Variants in MACF1 observed in about 807,000 individuals in gnomAD.
MACF1 encodes microtubule-actin cross-linking factor 1.
MACF1 carries 193 observed loss-of-function variants against 854.8 expected under a neutral mutation model. The observed-to-expected ratio is 0.23, with a 90% CI of 0.20 to 0.25. MACF1 has a LOEUF of 0.25. MACF1 is among the 10% of genes least tolerant of loss of function. The pLI, the probability that MACF1 is intolerant of heterozygous loss-of-function variation, is 1.00. For missense variants in MACF1, 7,722 were observed against 8,929.1 expected (o/e 0.86, Z 5.45); for synonymous variants, 3,185 against 3,226.7 (o/e 0.99, Z 0.44).
chr1:39,444,957 G>A lies in MACF1; in HGVS notation c.19605+122G>A, dbSNP rs1644194490. 21 of 810,236 alleles carry A rather than the reference G, an allele frequency of 2.6e-5. 1 individual carries two copies. The allele number at this position is 810,236 out of a possible 1,614,324, so 50.2% of individuals were successfully genotyped here. On this transcript the variant is annotated intron_variant, in intron 80 of 100. Transcript: ENST00000564288. ...GTATTGTAACAGAAGTTGCAGAACT[G>A]ATTCCATCTGTGTTGAGTTGCATTG...
In MACF1 at chr1:39,154,570, A is replaced by G. The variant is rs909892117; in HGVS notation, c.220+70132A>G. Reference sequence around the variant, plus strand: ...TTGATTTCTAGGGGGCTTTGGGGGAACTATGGGAACTCTAAGATATGATTC... The same window carrying G: ...TTGATTTCTAGGGGGCTTTGGGGGAGCTATGGGAACTCTAAGATATGATTC... On this transcript the variant is annotated intron_variant, in intron 2 of 93. Coordinates refer to the MACF1 transcript ENST00000361689. Among the ~76,000 whole-genome samples the G allele has an allele frequency of 1.1e-4, 17 of 152,122 alleles. 1 individual carries two copies. The South Asian group carries it at 1.7e-3, about 15-fold the overall frequency.
chr1:39,183,721 C>T (rs1644132739), intron 2 of MACF1, among the ~76,000 whole-genome samples: 1 of 150,134 alleles, frequency 6.7e-6, no homozygotes, highest in East Asian at 2.0e-4. Context: ...AGGCAGTTTC[C>T]CAGCCCCATA....
rs748220704 is a variant in MACF1 at position 39,427,581 on chromosome 1, T to C, written c.16443T>C (p.Thr5481=). 2 of 1,614,124 alleles carry C rather than the reference T, an allele frequency of 1.2e-6. No individual in the cohort carries two copies. The highest frequency in any genetic ancestry group is 1.7e-6 in the Non-Finnish European group (2 of 1,179,996). ...LANSEPVGTQ[T]AKIQQQIIRH... Reference sequence around the variant, plus strand: ...ACTCAGAACCTGTTGGCACTCAGACTGCCAAAATACAGCAGCAGATCATTC... The same window carrying C: ...ACTCAGAACCTGTTGGCACTCAGACCGCCAAAATACAGCAGCAGATCATTC... Residue 5481 remains threonine (T), a synonymous_variant, in exon 62 of 101, where the codon ACT becomes ACC. Coordinates refer to ENST00000564288, the MANE Select transcript of MACF1 (RefSeq NM_001394062.1).
At chr1:39,126,060 C>G (rs999703277) in intron 2 of MACF1, among the ~76,000 whole-genome samples, 2 of 152,050 alleles carry the variant, frequency 1.3e-5, no homozygotes, top group African/African-American at 4.8e-5. Flanking sequence ...TTTTTTTTGA[C>G]CAGCTGGGCA....
intron 2 of MACF1, among the ~76,000 whole-genome samples, chr1:39,194,005 G>C (rs1037869928): frequency 1.3e-5 from 2 of 152,010 alleles, no homozygotes; most frequent in African/African-American, 4.8e-5. Context: ...GGGTAATTTT[G>C]TATTTTTAAT....
intron 26 of MACF1, among the ~76,000 whole-genome samples, chr1:39,314,569 T>TCACACACACACA (rs58459573): frequency 1.5e-5 from 1 of 65,306 alleles, no homozygotes; most frequent in Non-Finnish European, 3.5e-5. Flanking sequence ...TCTCTCTCTC[T>TCACACACACACA]CACACACACA....
intron 6 of MACF1, among the ~76,000 whole-genome samples, chr1:39,273,342 A>G (rs1024784675): frequency 4.6e-5 from 7 of 151,520 alleles, no homozygotes; most frequent in African/African-American, 1.7e-4. Flanking sequence ...TCGAGTCTCT[A>G]CAATTTTAGG....
intron 96 of MACF1, 30 bp from the exon 97 acceptor site, chr1:39,469,511 GTCTGTT>G (rs1644735720): frequency 6.7e-7 from 1 of 1,491,962 alleles, no homozygotes; most frequent in Non-Finnish European, 9.1e-7. Context: ...TTCCTGCCCT[GTCTGTT>G]TCTTTCTGTT....
In MACF1 at chr1:39,442,076, TGAA is replaced by T. The variant is rs555622519; in HGVS notation, c.18774+30_18774+32del. 2,815 of 1,599,600 alleles carry T rather than the reference TGAA, an allele frequency of 1.8e-3. 4 individuals carry two copies. The highest frequency in any genetic ancestry group is 4.0e-3 in the Middle Eastern group (24 of 6,008). ...AAGGTTTGTATCTGGGTATGGCTTT[TGAA>T]GAAGAATTGTTTTATTATAGTTTTT... On this transcript the variant is annotated intron_variant, in intron 75 of 100. Coordinates refer to ENST00000564288, the MANE Select transcript of MACF1 (RefSeq NM_001394062.1).
chr1:39,284,800 T>C (rs1381271723), intron 11 of MACF1, among the ~76,000 whole-genome samples: 1 of 152,176 alleles, frequency 6.6e-6, no homozygotes, highest in Admixed American at 6.5e-5. Flanking sequence ...AATTTAACCT[T>C]GCCAGAATAA....
At chr1:39,471,130 T>A (rs1299001206) in intron 97 of MACF1, among the ~76,000 whole-genome samples, 2 of 108,858 alleles carry the variant, frequency 1.8e-5, no homozygotes, top group African/African-American at 5.2e-5. Flanking sequence ...CCATTGACTG[T>A]GGAGAGAACT....
intron 15 of MACF1, among the ~76,000 whole-genome samples, chr1:39,289,449 A>G (rs990470633): frequency 1.3e-5 from 2 of 152,106 alleles, no homozygotes; most frequent in Non-Finnish European, 2.9e-5. Context: ...GGGTGAGATG[A>G]TATCACATTG....
intron 2 of MACF1, among the ~76,000 whole-genome samples, chr1:39,190,588 C>G (rs1644243826): frequency 6.6e-6 from 1 of 151,768 alleles, no homozygotes; most frequent in Non-Finnish European, 1.5e-5. Context: ...AATCTGCCCT[C>G]TCGGCCTCCC....
chr1:39,213,277 A>G (rs1216915445), intron 1 of MACF1, among the ~76,000 whole-genome samples: 1 of 152,000 alleles, frequency 6.6e-6, no homozygotes, highest in East Asian at 1.9e-4. Context: ...TACCTTCTAA[A>G]TGTGATAGAG....
rs1350343896 is a variant in MACF1, at chr1:39,161,894, T to TA, written c.221-69288_221-69287insA. Among the ~76,000 whole-genome samples, 4 of 43,596 alleles carry TA rather than the reference T, an allele frequency of 9.2e-5. No individual in the cohort carries two copies. In the Admixed American group the frequency reaches 1.1e-3, roughly 12 times the overall value. The allele number at this position is 43,596 out of a possible 152,430, so 28.6% of individuals were successfully genotyped here. A position where few individuals can be genotyped will look rare whatever the true frequency, so the allele number is the denominator to read the frequency against. On this transcript the variant is annotated intron_variant, in intron 2 of 93. Coordinates refer to the MACF1 transcript ENST00000361689. ...ATTAATTAATTAATAATAAAATAAA[T>TA]TAAAAAAAAAAAACTAGCCGGGCAT...
chr1:39,451,025 A>G, intron 84 of MACF1, 27 bp from the exon 85 acceptor site: 1 of 1,606,120 alleles, frequency 6.2e-7, no homozygotes, highest in Non-Finnish European at 8.5e-7. Flanking sequence ...ATCCCTAAAA[A>G]TGGTAGCGTT....
chr1:39,415,553 G>A (rs1481608928), intron 58 of MACF1, among the ~76,000 whole-genome samples: 3 of 148,566 alleles, frequency 2.0e-5, no homozygotes, highest in Non-Finnish European at 3.0e-5. Flanking sequence ...TAGTAGAGAC[G>A]GGTTTCACTG....
chr1:39,285,789 T>G lies in MACF1; in HGVS notation c.1508+31T>G, dbSNP rs1571267756. ...GAACAAGGGACTCAAATGGAGGGCT[T>G]GCTTGCTTACTGCTGAGGCTCATGG... On this transcript the variant is annotated intron_variant, in intron 14 of 100. Coordinates refer to ENST00000564288, the MANE Select transcript of MACF1 (RefSeq NM_001394062.1). 2.5e-6 allele frequency: 4 copies of G among 1,609,552 alleles called. 1 individual carries two copies. In the Admixed American group the frequency reaches 6.7e-5, roughly 27 times the overall value.
chr1:39,284,315 C>A lies in MACF1; in HGVS notation c.1036-18C>A. On this transcript the variant is annotated intron_variant, in intron 10 of 100. Coordinates refer to ENST00000564288, the MANE Select transcript of MACF1 (RefSeq NM_001394062.1). ...CTATAGTTTGTGTCCATTTATTCAC[C>A]AAATATTAATTTTATAGGCACTTTA... The A allele has an allele frequency of 6.4e-7, 1 of 1,565,514 alleles. No homozygotes were observed.
Sources: gnomAD v4.1 joint callset for allele counts (sites outside exome capture counted in the v4.1 genomes callset) on GRCh38, gnomAD v4.1.1 for gene constraint, MANE v1.5 for transcripts, NCBI Gene and HGNC (gene_info 2026-07-23, HGNC 2026-07-21) for gene names.